The following OR6Y1 variants were observed in gnomAD, a reference collection of about 807,000 sequenced individuals.
The protein encoded by OR6Y1 is olfactory receptor family 6 subfamily Y member 1.
Under a neutral mutation model 0.4 loss-of-function variants are expected in OR6Y1, and 1 was observed. That is an observed-to-expected ratio of 2.74 (90% CI 0.97 to 13.02). The LOEUF (loss-of-function observed/expected upper bound fraction) is 13.02, where lower values mean the gene tolerates loss of function less well. Ranked by LOEUF, OR6Y1 falls within the 30% of genes most tolerant of loss-of-function variation. OR6Y1 has a pLI of 0.12. For synonymous variants in OR6Y1, 173 were observed against 141.1 expected (o/e 1.23, Z -1.60); for missense variants, 480 against 399.8 (o/e 1.20, Z -1.71).
chr1:158,551,067 T>C (rs1455549263), intron 1 of OR6Y1, among the ~76,000 whole-genome samples: 1 of 151,680 alleles, frequency 6.6e-6, no homozygotes, highest in Non-Finnish European at 1.5e-5. Flanking sequence ...TTTTTTATAA[T>C]CCACTGATTT....
In OR6Y1 at chr1:158,548,314, G is replaced by T; in HGVS notation, c.-209C>A. On this transcript the variant is annotated 5_prime_UTR_variant, in exon 2 of 2. The change creates a new upstream start codon in the 5' untranslated region. Transcript: ENST00000641622. ...GAGCTTATATTTTAACTTGTTTTCA[G>T]ATTTTCTCAAGAGCAGTAACTTGTC... The T allele has an allele frequency of 1.9e-6, 1 of 537,496 alleles. No individual in the cohort carries two copies. Among genetic ancestry groups the T allele is most frequent in the Non-Finnish European group, 3.2e-6 (1 of 309,352 alleles). 33.3% of individuals were successfully genotyped at this position (537,496 alleles called of 1,614,324 possible).
In OR6Y1 at chr1:158,544,775, G is replaced by C. The variant is rs1180553611; in HGVS notation, c.*2353C>G. 4 of 152,144 alleles carry C rather than the reference G, an allele frequency of 2.6e-5. No individual in the cohort carries two copies. Among genetic ancestry groups the C allele is most frequent in the Non-Finnish European group, 5.9e-5 (4 of 68,038 alleles). The allele number at this position is 152,144 out of a possible 1,614,324, so 9.4% of individuals were successfully genotyped here. On this transcript the variant is annotated 3_prime_UTR_variant, in exon 2 of 2. Coordinates refer to ENST00000641622, the MANE Select transcript of OR6Y1 (RefSeq NM_001005189.2). ...TCATTTAGCTCCTACTTACAAGTGA[G>C]AATATGTGGTATTTGGTTTTCTGTT... is the stretch of plus-strand genomic sequence containing the variant.
rs1200196672 is a variant in OR6Y1, at chr1:158,546,897, A to G, written c.*231T>C. On this transcript the variant is annotated 3_prime_UTR_variant, in exon 2 of 2. Transcript: ENST00000641622. ...TCTGTGTTTCTTCCTGATTTCAAAT[A>G]GCTTTTCTAACATTTTAAAACTTGT... The G allele has an allele frequency of 2.7e-6, 1 of 370,010 alleles. No individual in the cohort carries two copies. The highest frequency in any genetic ancestry group is 4.9e-6 in the Non-Finnish European group (1 of 204,960). 22.9% of individuals were successfully genotyped at this position (370,010 alleles called of 1,614,324 possible).
In OR6Y1 at chr1:158,549,135, A is replaced by G. The variant is rs1046015728; in HGVS notation, c.-1030T>C. On this transcript the variant is annotated 5_prime_UTR_variant, in exon 2 of 2. Coordinates refer to ENST00000641622, the MANE Select transcript of OR6Y1 (RefSeq NM_001005189.2). ...GGACCGTGGGACTTTTCCAAGGGTA[A>G]TAAATTTAAAAACTGTAATCTGTTG... The G allele has an allele frequency of 5.3e-5, 8 of 151,792 alleles. 1 individual carries two copies. The highest frequency in any genetic ancestry group is 1.9e-4 in the African/African-American group (8 of 41,084). 9.4% of individuals were successfully genotyped at this position (151,792 alleles called of 1,614,324 possible). A position where few individuals can be genotyped will look rare whatever the true frequency, so the allele number is the denominator to read the frequency against.
chr1:158,547,751 G>A lies in OR6Y1; in HGVS notation c.355C>T (p.Leu119Phe). The A allele has an allele frequency of 6.2e-7, 1 of 1,613,586 alleles. No homozygotes were observed. Among genetic ancestry groups the A allele is most frequent in the Non-Finnish European group, 8.5e-7 (1 of 1,180,018 alleles). The change falls in exon 2 of 2, where the codon CTT becomes TTT. Residue 119 changes from leucine (L) to phenylalanine (F), a missense_variant. Transcript: ENST00000641622. ...FVTFVCTEYI[L>F]LAIMAFDRYV... ...CGGTCAAAGGCCATGATAGCAAGAA[G>A]GATGTACTCAGTGCAGACAAAGGTC...
In OR6Y1 at chr1:158,546,900, T is replaced by G. The variant is rs769988973; in HGVS notation, c.*228A>C. 11 of 383,378 alleles carry G rather than the reference T, an allele frequency of 2.9e-5. No individual in the cohort carries two copies. Among genetic ancestry groups the G allele is most frequent in the Non-Finnish European group, 4.2e-5 (9 of 213,384 alleles). The allele number at this position is 383,378 out of a possible 1,614,324, so 23.7% of individuals were successfully genotyped here. A position where few individuals can be genotyped will look rare whatever the true frequency, so the allele number is the denominator to read the frequency against. ...GTGTTTCTTCCTGATTTCAAATAGC[T>G]TTTCTAACATTTTAAAACTTGTCTC... On this transcript the variant is annotated 3_prime_UTR_variant, in exon 2 of 2. Coordinates refer to ENST00000641622, the MANE Select transcript of OR6Y1 (RefSeq NM_001005189.2).
In OR6Y1 at chr1:158,547,400, C is replaced by A. The variant is rs767981273; in HGVS notation, c.706G>T (p.Ala236Ser). ...GAGAATGCCTTTTGGCGGCCCTGAG[C>A]AGAAGGGATCCTGAGGATGGTGGCA... ...ILATILRIPSAQGRQKAFSTC... is the reference protein window; with the variant it reads ...ILATILRIPSSQGRQKAFSTC... Residue 236 changes from alanine (A) to serine (S), a missense_variant, in exon 2 of 2, where the codon GCT (alanine) becomes TCT (serine). By Grantham distance (99) the Ala-to-Ser change is moderately conservative. Transcript: ENST00000641622. 7 of 1,613,360 alleles carry A rather than the reference C, an allele frequency of 4.3e-6. No individual in the cohort carries two copies. The South Asian group carries it at 7.7e-5, about 18-fold the overall frequency.
chr1:158,549,857 A>C (rs1647654721), intron 1 of OR6Y1, among the ~76,000 whole-genome samples: 1 of 151,730 alleles, frequency 6.6e-6, no homozygotes, highest in African/African-American at 2.4e-5. Flanking sequence ...CCAAAAATTC[A>C]AACCAACTTA....
At position 158,547,165 on chromosome 1, in the gene OR6Y1, C is replaced by A; in HGVS notation, c.941G>T (p.Gly314Val). The change falls in exon 2 of 2, where the codon GGA becomes GTA. Residue 314 changes from glycine to valine, a missense_variant. Transcript: ENST00000641622. ...AGCCCCATTTCCCTGGGGCCCACTT[C>A]CTCTGCAATGTATGGTCTTTCTGAG... ...AALRKTIHCR[G>V]SGPQGNGAFS... 6.2e-7 allele frequency: 1 copy of A among 1,613,418 alleles called. No homozygotes were observed. The highest frequency in any genetic ancestry group is 2.2e-5 in the East Asian group (1 of 44,868).
At position 158,547,202 on chromosome 1, in the gene OR6Y1, C is replaced by T. The variant is rs766775421; in HGVS notation, c.904G>A (p.Val302Ile). ...PIIYCLRNHEVKAALRKTIHC... is the reference protein window; with the variant it reads ...PIIYCLRNHEIKAALRKTIHC... Reference sequence around the variant, plus strand: ...ATGGTCTTTCTGAGGGCTGCCTTTACTTCATGGTTCCTCAGACAGTAAATG... The same window carrying T: ...ATGGTCTTTCTGAGGGCTGCCTTTATTTCATGGTTCCTCAGACAGTAAATG... The change falls in exon 2 of 2, where the codon GTA becomes ATA. Residue 302 changes from valine to isoleucine, a missense_variant. By Grantham distance (29) the Val-to-Ile change is conservative. Coordinates refer to ENST00000641622, the MANE Select transcript of OR6Y1 (RefSeq NM_001005189.2). The T allele has an allele frequency of 1.2e-6, 2 of 1,613,612 alleles. No homozygotes were observed. Among genetic ancestry groups the T allele is most frequent in the Non-Finnish European group, 1.7e-6 (2 of 1,179,946 alleles).
Position 158,547,706 on chromosome 1 carries a change from G to C in OR6Y1, c.400C>G (p.Pro134Ala). The change falls in exon 2 of 2, where the codon CCA becomes GCA. Residue 134 changes from proline to alanine, a missense_variant. Physicochemically the swap from Pro to Ala is conservative, Grantham distance 27. Transcript: ENST00000641622. ...GTCATGATGACTGGGTAGCGTAGTG[G>C]ATTACAAATGGCTACATAGCGGTCA... Reference protein sequence around the residue: ...AFDRYVAICNPLRYPVIMTNQ... With the variant: ...AFDRYVAICNALRYPVIMTNQ... The C allele has an allele frequency of 2.5e-6, 4 of 1,613,584 alleles. No individual in the cohort carries two copies. Among genetic ancestry groups the C allele is most frequent in the Non-Finnish European group, 3.4e-6 (4 of 1,179,990 alleles).
rs1647601706 is a variant in OR6Y1 at position 158,548,038 on chromosome 1, G to T, written c.68C>A (p.Pro23Gln). 1 of 1,613,380 alleles carries T rather than the reference G, an allele frequency of 6.2e-7. No individual in the cohort carries two copies. The highest frequency in any genetic ancestry group is 1.3e-5 in the African/African-American group (1 of 74,424). Reference protein sequence around the residue: ...VTTRFILLGFPTRPAFQLLFF... With the variant: ...VTTRFILLGFQTRPAFQLLFF... Reference sequence around the variant, plus strand: ...GAGAAGCTGGAAGGCTGGTCGTGTTGGAAACCCCAGAAGAATGAAACGTGT... The same window carrying T: ...GAGAAGCTGGAAGGCTGGTCGTGTTTGAAACCCCAGAAGAATGAAACGTGT... Residue 23 changes from proline (P) to glutamine (Q), a missense_variant, in exon 2 of 2, where the codon CCA (proline) becomes CAA (glutamine). Physicochemically the swap from Pro to Gln is moderately conservative, Grantham distance 76. Transcript: ENST00000641622.
rs865825671 is a variant in OR6Y1 at position 158,547,192 on chromosome 1, G to A, written c.914C>T (p.Ala305Val). 1 of 1,613,554 alleles carries A rather than the reference G, an allele frequency of 6.2e-7. No individual in the cohort carries two copies. Among genetic ancestry groups the A allele is most frequent in the South Asian group, 1.1e-5 (1 of 91,078 alleles). ...YCLRNHEVKA[A>V]LRKTIHCRGS... ...TCTGCAATGTATGGTCTTTCTGAGG[G>A]CTGCCTTTACTTCATGGTTCCTCAG... Residue 305 changes from alanine to valine, a missense_variant, in exon 2 of 2, where the codon GCC (alanine) becomes GTC (valine). Transcript: ENST00000641622.
rs1647582743 is a variant in OR6Y1 at position 158,547,604 on chromosome 1, T to C, written c.502A>G (p.Ile168Val). 6.2e-7 allele frequency: 1 copy of C among 1,613,220 alleles called. No homozygotes were observed. The highest frequency in any genetic ancestry group is 8.5e-7 in the Non-Finnish European group (1 of 1,179,900). The part of the protein sequence containing the change: ...LMTAMIKMVF[I>V]AQLHYCGMPQ... ...ATGCCACAGTAGTGAAGTTGTGCTATAAAAACCATCTTAATCATGGCAGTC... is the reference window on the plus strand; with the variant it reads ...ATGCCACAGTAGTGAAGTTGTGCTACAAAAACCATCTTAATCATGGCAGTC... Residue 168 changes from isoleucine to valine, a missense_variant, in exon 2 of 2, where the codon ATA (isoleucine) becomes GTA (valine). By Grantham distance (29) the Ile-to-Val change is conservative. Coordinates refer to ENST00000641622, the MANE Select transcript of OR6Y1 (RefSeq NM_001005189.2).
rs909175302 is a variant in OR6Y1, at chr1:158,547,958, TA to T, written c.147del (p.Ile50SerfsTer3). On this transcript the variant is annotated frameshift_variant, in exon 2 of 2. Coordinates refer to ENST00000641622, the MANE Select transcript of OR6Y1 (RefSeq NM_001005189.2). LOFTEE classifies it high-confidence loss of function. Reference protein sequence around the residue: ...TYLLTLLENLLIILAIHSDGQ... With the variant: ...TYLLTLLENLXIILAIHSDGQ... ...CCATCACTGTGGATAGCTAAGATGA[TA>T]AGAAGATTCTCCAGCAGTGTCAGCA... The T allele has an allele frequency of 5.0e-6, 8 of 1,613,272 alleles. No homozygotes were observed. The highest frequency in any genetic ancestry group is 6.8e-6 in the Non-Finnish European group (8 of 1,179,962).
Position 158,547,019 on chromosome 1 carries a change from G to C in OR6Y1, c.*109C>G. The C allele has an allele frequency of 2.0e-6, 2 of 1,001,940 alleles. No individual in the cohort carries two copies. The highest frequency in any genetic ancestry group is 2.9e-6 in the Non-Finnish European group (2 of 678,644). The allele number at this position is 1,001,940 out of a possible 1,614,324, so 62.1% of individuals were successfully genotyped here. A position where few individuals can be genotyped will look rare whatever the true frequency, so the allele number is the denominator to read the frequency against. The stretch of plus-strand genomic sequence containing the variant: ...CACACATGCACACACACACAGAGGA[G>C]AGCAGTGTTACAGTACTGGAGATTG... On this transcript the variant is annotated 3_prime_UTR_variant, in exon 2 of 2. Transcript: ENST00000641622.
chr1:158,553,949 A>T (rs1427437831), intron 1 of OR6Y1, among the ~76,000 whole-genome samples: 2 of 152,178 alleles, frequency 1.3e-5, no homozygotes, highest in Non-Finnish European at 2.9e-5. Context: ...AATCCATATT[A>T]CACTACATTT....
chr1:158,547,568 T>G lies in OR6Y1; in HGVS notation c.538A>C (p.Asn180His), dbSNP rs1186860172. The change falls in exon 2 of 2, where the codon AAT becomes CAT. Residue 180 changes from asparagine to histidine, a missense_variant. Coordinates refer to ENST00000641622, the MANE Select transcript of OR6Y1 (RefSeq NM_001005189.2). ...QLHYCGMPQI[N>H]HYFCDISPLL... ...GGAGAGATATCACAAAAGTAGTGATTGATCTGAGGCATGCCACAGTAGTGA... is the reference window on the plus strand; with the variant it reads ...GGAGAGATATCACAAAAGTAGTGATGGATCTGAGGCATGCCACAGTAGTGA... The G allele has an allele frequency of 1.2e-6, 2 of 1,613,234 alleles. No homozygotes were observed. The highest frequency in any genetic ancestry group is 4.5e-5 in the East Asian group (2 of 44,814).
rs1571328313 is a variant in OR6Y1, at chr1:158,546,178, C to T, written c.*950G>A. 1 of 152,242 alleles carries T rather than the reference C, an allele frequency of 6.6e-6. No homozygotes were observed. The highest frequency in any genetic ancestry group is 1.5e-5 in the Non-Finnish European group (1 of 68,022). The allele number at this position is 152,242 out of a possible 1,614,324, so 9.4% of individuals were successfully genotyped here. ...ACACCAGTCATATTGTCTTAGGGCC[C>T]ACCCTAGCAGTCAAATTTTAGCTCG... On this transcript the variant is annotated 3_prime_UTR_variant, in exon 2 of 2. Coordinates refer to ENST00000641622, the MANE Select transcript of OR6Y1 (RefSeq NM_001005189.2).
Sources: allele counts gnomAD v4.1 joint callset (sites outside exome capture counted in the v4.1 genomes callset), GRCh38; gene constraint gnomAD v4.1.1; transcripts MANE v1.5; gene names NCBI Gene and HGNC (gene_info 2026-07-23, HGNC 2026-07-21).